Variants in FRS2 observed in about 807,000 individuals in gnomAD.
FRS2 encodes the protein FGFR signalling adaptor.
FRS2 carries 8 observed loss-of-function variants against 43.9 expected under a neutral mutation model. The ratio of observed to expected loss-of-function variants is 0.18; its 90% CI spans 0.11 to 0.33. The LOEUF is 0.33. Among genes scored for constraint, FRS2 ranks in the 10% least tolerant of loss-of-function variants. FRS2 has a pLI of 1.00. For missense variants in FRS2, 534 were observed against 627.6 expected (o/e 0.85, Z 1.59); for synonymous variants, 219 against 220.3 (o/e 0.99, Z 0.05).
intron 4 of FRS2, among the ~76,000 whole-genome samples, chr12:69,568,723 G>A (rs1469956987): frequency 3.3e-5 from 3 of 91,414 alleles, no homozygotes; most frequent in Non-Finnish European, 5.9e-5. Context: ...ACCTTAAGTT[G>A]GTTTTTTTTT....
rs115453016 is a variant in FRS2, at chr12:69,501,258, A to G, written c.-260-29607A>G. Among the ~76,000 whole-genome samples the G allele has an allele frequency of 5.8e-3, 883 of 152,266 alleles. 10 individuals are homozygous for G. Among genetic ancestry groups the G allele is most frequent in the African/African-American group, 0.019 (802 of 41,536 alleles). ...TAAAAGAATGAGACAAGATATAAAT[A>G]AATACGTAGTGTAATTGCCAGGACA... On this transcript the variant is annotated intron_variant, in intron 1 of 8. Coordinates refer to ENST00000549921, the MANE Select transcript of FRS2 (RefSeq NM_001278356.2).
intron 1 of FRS2, among the ~76,000 whole-genome samples, chr12:69,490,954 T>G (rs1309003725): frequency 6.6e-6 from 1 of 152,226 alleles, no homozygotes; most frequent in Non-Finnish European, 1.5e-5. Context: ...AAAAGTTTAG[T>G]AAGTGTACAT....
intron 1 of FRS2, among the ~76,000 whole-genome samples, chr12:69,511,555 G>A (rs955471191): frequency 2.6e-5 from 4 of 152,122 alleles, no homozygotes; most frequent in East Asian, 1.9e-4. Flanking sequence ...AATTAGAAAC[G>A]TGATATTACT....
intron 1 of FRS2, among the ~76,000 whole-genome samples, chr12:69,476,500 T>C (rs1330980405): frequency 6.6e-6 from 1 of 152,158 alleles, no homozygotes; most frequent in African/African-American, 2.4e-5. Flanking sequence ...GCAGGAAAGA[T>C]AGAGCAAGAA....
intron 4 of FRS2, among the ~76,000 whole-genome samples, chr12:69,563,517 C>T (rs1228574804): frequency 1.3e-5 from 2 of 152,164 alleles, no homozygotes; most frequent in African/African-American, 2.4e-5. Context: ...CTTCAAACCC[C>T]TGTATTGCCA....
chr12:69,470,970 G>C (rs552140603), intron 1 of FRS2, among the ~76,000 whole-genome samples: 4 of 152,170 alleles, frequency 2.6e-5, no homozygotes, highest in African/African-American at 9.6e-5. Flanking sequence ...TAATTAACCC[G>C]GGTCCCAGGG....
At chr12:69,564,301 T>C (rs1027162467) in intron 4 of FRS2, among the ~76,000 whole-genome samples, 1 of 152,040 alleles carries the variant, frequency 6.6e-6, no homozygotes, top group African/African-American at 2.4e-5. Flanking sequence ...TAAACACATT[T>C]GTATTTCCCC....
At chr12:69,569,239 A>AAAT in intron 5 of FRS2, 143 bp downstream of exon 5, 1 of 552,802 alleles carries the variant, frequency 1.8e-6, no homozygotes, top group Non-Finnish European at 3.2e-6. Flanking sequence ...TTGATTTAAT[A>AAAT]AATGATGACA....
rs1321204419 is a variant in FRS2, at chr12:69,576,006, T to G, written c.*1051T>G. On this transcript the variant is annotated 3_prime_UTR_variant, in exon 9 of 9. Transcript: ENST00000549921. ...GGGTTGCCCTTGTCCAGTATTTATT[T>G]ATAAGCTGTTTACTTTTCAAGTTGA... The G allele has an allele frequency of 6.5e-6, 1 of 152,692 alleles. No homozygotes were observed. The highest frequency in any genetic ancestry group is 2.4e-5 in the African/African-American group (1 of 41,474). 9.5% of individuals were successfully genotyped at this position (152,692 alleles called of 1,614,324 possible).
chr12:69,526,093 G>A (rs1876198422), intron 1 of FRS2, among the ~76,000 whole-genome samples: 1 of 152,110 alleles, frequency 6.6e-6, no homozygotes, highest in Admixed American at 6.6e-5. Flanking sequence ...CTGACCTCAG[G>A]TGATCTGCTG....
chr12:69,485,134 C>CACACACACGT (rs1194988609), intron 1 of FRS2, among the ~76,000 whole-genome samples: 2 of 134,272 alleles, frequency 1.5e-5, no homozygotes, highest in Admixed American at 7.4e-5. Context: ...CACACACACA[C>CACACACACGT]ACTCTCACCC....
Position 69,549,724 on chromosome 12 carries a change from T to G in FRS2, c.-121-12456T>G, listed in dbSNP as rs1878711127. Among the ~76,000 whole-genome samples, 3 of 152,258 alleles carry G rather than the reference T, an allele frequency of 2.0e-5. No individual in the cohort carries two copies. The South Asian group carries it at 6.2e-4, about 31-fold the overall frequency. On this transcript the variant is annotated intron_variant, in intron 3 of 8. Transcript: ENST00000549921. ...AAATTTGAAGACAATTGTCTGTCTC[T>G]GTTCTGCTCTTCCATATTGCTAAAT...
chr12:69,570,257 T>G, intron 5 of FRS2, 74 bp from the exon 6 acceptor site: 1 of 1,100,208 alleles, frequency 9.1e-7, no homozygotes, highest in Non-Finnish European at 1.4e-6. Context: ...AAATTACAAA[T>G]AACTAATTAG....
chr12:69,556,640 A>G (rs1336761197), intron 3 of FRS2, among the ~76,000 whole-genome samples: 2 of 152,180 alleles, frequency 1.3e-5, no homozygotes, highest in African/African-American at 2.4e-5. Context: ...CTTTTCTGTT[A>G]TCCAACATTA....
rs143971401 is a variant in FRS2 at position 69,550,735 on chromosome 12, A to G, written c.-121-11445A>G. Among the ~76,000 whole-genome samples, 6 of 152,328 alleles carry G rather than the reference A, an allele frequency of 3.9e-5. No individual in the cohort carries two copies. The East Asian group carries it at 7.7e-4, about 20-fold the overall frequency. Reference sequence around the variant, plus strand: ...TCACCTGAGCCATACTGCACTTTCTATTTAGAAGGATGAATCATTTCTGGG... The same window carrying G: ...TCACCTGAGCCATACTGCACTTTCTGTTTAGAAGGATGAATCATTTCTGGG... On this transcript the variant is annotated intron_variant, in intron 3 of 8. Transcript: ENST00000549921.
chr12:69,493,408 T>C (rs775727308), intron 1 of FRS2, among the ~76,000 whole-genome samples: 41 of 152,332 alleles, frequency 2.7e-4, no homozygotes, highest in East Asian at 3.9e-4. Flanking sequence ...TGTTAAAATG[T>C]GCTGCCGTCA....
intron 3 of FRS2, among the ~76,000 whole-genome samples, chr12:69,548,784 C>T (rs546962): frequency 0.6 from 91,262 of 151,930 alleles, 29,086 homozygotes; most frequent in African/African-American, 0.82. Context: ...CCTAGGTGTC[C>T]AAAAGGGGAC....
chr12:69,474,196 TA>T (rs1870560877), intron 1 of FRS2, among the ~76,000 whole-genome samples: 1 of 152,150 alleles, frequency 6.6e-6, no homozygotes, highest in Non-Finnish European at 1.5e-5. Flanking sequence ...TTACTAGAAA[TA>T]CGGGCAAGGA....
intron 3 of FRS2, among the ~76,000 whole-genome samples, chr12:69,548,587 A>G (rs1001580971): frequency 6.6e-6 from 1 of 152,194 alleles, no homozygotes; most frequent in African/African-American, 2.4e-5. Context: ...ATAGTGTAAT[A>G]TATAATTACT....
Sources: allele counts gnomAD v4.1 joint callset (sites outside exome capture counted in the v4.1 genomes callset), GRCh38; gene constraint gnomAD v4.1.1; transcripts MANE v1.5; gene names NCBI Gene and HGNC (gene_info 2026-07-23, HGNC 2026-07-21).